NRDE2: variants seen among roughly 807,000 people sequenced by gnomAD.
NRDE2 encodes the protein nuclear exosome regulator NRDE2.
A neutral mutation model predicts 124.2 loss-of-function variants in NRDE2; 76 were observed. The ratio of observed to expected loss-of-function variants is 0.61; its 90% CI spans 0.51 to 0.74. NRDE2 has a LOEUF of 0.74. Ranked by LOEUF, NRDE2 falls within the 30% of genes least tolerant of loss-of-function variation. The pLI is 0.00. For synonymous variants in NRDE2, 489 were observed against 528.1 expected (o/e 0.93, Z 1.01); for missense variants, 1,314 against 1,417.3 (o/e 0.93, Z 1.17).
At position 90,279,123 on chromosome 14, in the gene NRDE2, C is replaced by T. The variant is rs1271576387; in HGVS notation, c.3308G>A (p.Gly1103Glu). Residue 1103 changes from glycine to glutamate, a missense_variant, in exon 13 of 14, where the codon GGA becomes GAA. Transcript: ENST00000354366. ...TACACCTTTGCTTCTTTCTTTATTTCCTAAGGAAACCTGAGGTGAGGGGGA... is the reference window on the plus strand; with the variant it reads ...TACACCTTTGCTTCTTTCTTTATTTTCTAAGGAAACCTGAGGTGAGGGGGA... ...RMYLNFLVSLGNKERSKGVFY... is the reference protein window; with the variant it reads ...RMYLNFLVSLENKERSKGVFY... The T allele has an allele frequency of 6.2e-7, 1 of 1,611,174 alleles. No individual in the cohort carries two copies.
At chr14:90,283,715 T>TG (rs1177008081) in intron 12 of NRDE2, among the ~76,000 whole-genome samples, 1 of 148,512 alleles carries the variant, frequency 6.7e-6, no homozygotes, top group East Asian at 1.9e-4. Context: ...GGTTTTTTGT[T>TG]TTTTTTTTTT....
Position 90,302,774 on chromosome 14 carries a change from C to T in NRDE2, c.1357G>A (p.Asp453Asn), listed in dbSNP as rs1165689418. Residue 453 changes from aspartate to asparagine, a missense_variant, in exon 6 of 14, where the codon GAC becomes AAC. Transcript: ENST00000354366. ...GCAGGGTGAGATAAGATGCTGCCGTCCTTAACAGCAGACAAAGTGCTCAAG... is the reference window on the plus strand; with the variant it reads ...GCAGGGTGAGATAAGATGCTGCCGTTCTTAACAGCAGACAAAGTGCTCAAG... Reference protein sequence around the residue: ...KCLSTLSAVKDGSILSHPALP... With the variant: ...KCLSTLSAVKNGSILSHPALP... The T allele has an allele frequency of 1.2e-6, 2 of 1,614,048 alleles. No homozygotes were observed. The highest frequency in any genetic ancestry group is 1.1e-5 in the South Asian group (1 of 91,080).
intron 12 of NRDE2, among the ~76,000 whole-genome samples, chr14:90,281,855 G>A (rs1255510257): frequency 6.6e-6 from 1 of 152,214 alleles, no homozygotes; most frequent in African/African-American, 2.4e-5. Context: ...CTGACACTCT[G>A]CTGAGAGGTT....
In NRDE2 at chr14:90,308,983, C is replaced by T. The variant is rs531313965; in HGVS notation, c.557+3411G>A. 3.3e-5 allele frequency among the ~76,000 whole-genome samples: 5 copies of T among 152,202 alleles called. No individual in the cohort carries two copies. In the East Asian group the frequency reaches 9.7e-4, roughly 29 times the overall value. On this transcript the variant is annotated intron_variant, in intron 4 of 13. Transcript: ENST00000354366. ...ACAGGCCGGGCGTGGTGGCTCATGC[C>T]TGTAATCCCAGCACTTTGGGAGGCT...
Position 90,288,523 on chromosome 14 carries a change from G to A in NRDE2, c.2852C>T (p.Ser951Phe), listed in dbSNP as rs776754050. The change falls in exon 11 of 14, where the codon TCC (serine) becomes TTC (phenylalanine). Residue 951 changes from serine (S) to phenylalanine (F), a missense_variant. Transcript: ENST00000354366. The part of the protein sequence containing the change: ...EGSGEGDSAS[S>F]QSWTSVLEAI... Reference sequence around the variant, plus strand: ...TTCGAGAACACTGGTCCAACTCTGGGAGCTGGCACTGTCCCCCTCGCCAGA... The same window carrying A: ...TTCGAGAACACTGGTCCAACTCTGGAAGCTGGCACTGTCCCCCTCGCCAGA... 14 of 1,614,050 alleles carry A rather than the reference G, an allele frequency of 8.7e-6. No individual in the cohort carries two copies. The South Asian group carries it at 1.2e-4, about 14-fold the overall frequency.
chr14:90,304,524 T>G (rs1456640503), intron 4 of NRDE2, 142 bp from the exon 5 acceptor site: 7 of 609,734 alleles, frequency 1.1e-5, no homozygotes, highest in Admixed American at 6.0e-5. Flanking sequence ...TTGTTTCTAT[T>G]TGGAGATACA....
intron 4 of NRDE2, 82 bp downstream of exon 4, chr14:90,312,312 C>G: frequency 7.6e-7 from 1 of 1,308,740 alleles, no homozygotes; most frequent in Non-Finnish European, 1.1e-6. Context: ...GAGAAACAGG[C>G]AGGCAGACAG....
chr14:90,331,882 G>A lies in NRDE2; in HGVS notation c.23C>T (p.Ala8Val). Residue 8 changes from alanine to valine, a missense_variant, in exon 1 of 14, where the codon GCG (alanine) becomes GTG (valine). Physicochemically the swap from Ala to Val is moderately conservative, Grantham distance 64. Coordinates refer to ENST00000354366, the MANE Select transcript of NRDE2 (RefSeq NM_017970.4). MALFPAF[A>V]GLSEAPDGGS... Reference sequence around the variant, plus strand: ...GCCATCGGGAGCCTCACTAAGCCCCGCAAAGGCTGGGAACAGCGCCATGAC... The same window carrying A: ...GCCATCGGGAGCCTCACTAAGCCCCACAAAGGCTGGGAACAGCGCCATGAC... 2 of 1,614,100 alleles carry A rather than the reference G, an allele frequency of 1.2e-6. No homozygotes were observed. Among genetic ancestry groups the A allele is most frequent in the African/African-American group, 1.3e-5 (1 of 75,066 alleles).
intron 4 of NRDE2, among the ~76,000 whole-genome samples, chr14:90,306,830 T>G (rs1884620433): frequency 6.6e-6 from 1 of 151,750 alleles, no homozygotes. Context: ...AAAATAGCAC[T>G]AATGTAGTTC....
chr14:90,301,190 C>T (rs1446533652), intron 7 of NRDE2, 49 bp downstream of exon 7: 1 of 1,597,434 alleles, frequency 6.3e-7, no homozygotes, highest in Non-Finnish European at 8.6e-7. Flanking sequence ...CCCTCTCCCT[C>T]CAGAGAAAGA....
chr14:90,317,142 T>C (rs1885075213), intron 2 of NRDE2, among the ~76,000 whole-genome samples: 1 of 152,166 alleles, frequency 6.6e-6, no homozygotes. Flanking sequence ...TGGGTGTGGT[T>C]ACTCATGCCT....
At chr14:90,298,798 G>C (rs902867435) in intron 7 of NRDE2, among the ~76,000 whole-genome samples, 2 of 152,222 alleles carry the variant, frequency 1.3e-5, no homozygotes, top group Non-Finnish European at 2.9e-5. Flanking sequence ...ACCAGGGACA[G>C]TGGCACTGCC....
chr14:90,285,396 C>G (rs10136274), intron 12 of NRDE2, among the ~76,000 whole-genome samples: 140,849 of 148,362 alleles, frequency 0.95, 67,258 homozygotes, highest in East Asian at 1. Flanking sequence ...CTGCCTCCCG[C>G]GTTCCAGCGA....
In NRDE2 at chr14:90,276,907, G is replaced by A. The variant is rs997311378; in HGVS notation, c.*1429C>T. On this transcript the variant is annotated 3_prime_UTR_variant, in exon 14 of 14. Coordinates refer to ENST00000354366, the MANE Select transcript of NRDE2 (RefSeq NM_017970.4). ...TCGGTGACATGTCTGGCTGATGTCTGCCCCACGCAGAGGACAAGGGTGGAG... is the reference window on the plus strand; with the variant it reads ...TCGGTGACATGTCTGGCTGATGTCTACCCCACGCAGAGGACAAGGGTGGAG... 4 of 152,284 alleles carry A rather than the reference G, an allele frequency of 2.6e-5. No individual in the cohort carries two copies. Among genetic ancestry groups the A allele is most frequent in the South Asian group, 2.1e-4 (1 of 4,824 alleles). 9.4% of individuals were successfully genotyped at this position (152,284 alleles called of 1,614,324 possible).
chr14:90,291,934 A>C (rs925702555), intron 9 of NRDE2, among the ~76,000 whole-genome samples: 1 of 152,188 alleles, frequency 6.6e-6, no homozygotes, highest in South Asian at 2.1e-4. Context: ...AAAGGGATAA[A>C]CTCCTTGCCT....
At position 90,277,215 on chromosome 14, in the gene NRDE2, GC is replaced by G. The variant is rs1221600386; in HGVS notation, c.*1120del. 1 of 152,318 alleles carries G rather than the reference GC, an allele frequency of 6.6e-6. No homozygotes were observed. Among genetic ancestry groups the G allele is most frequent in the Non-Finnish European group, 1.5e-5 (1 of 68,146 alleles). 9.4% of individuals were successfully genotyped at this position (152,318 alleles called of 1,614,324 possible). On this transcript the variant is annotated 3_prime_UTR_variant, in exon 14 of 14. Coordinates refer to ENST00000354366, the MANE Select transcript of NRDE2 (RefSeq NM_017970.4). ...AGTTTCCCACCGTGCCCTGGGAGGT[GC>G]TCTCGTGCGCTGCCCTGCCTGCTGC... is the stretch of plus-strand genomic sequence containing the variant.
rs768706611 is a variant in NRDE2, at chr14:90,331,913, G to C, written c.-9C>G. 1 of 1,613,960 alleles carries C rather than the reference G, an allele frequency of 6.2e-7. No homozygotes were observed. Among genetic ancestry groups the C allele is most frequent in the African/African-American group, 1.3e-5 (1 of 74,946 alleles). On this transcript the variant is annotated 5_prime_UTR_variant, in exon 1 of 14. Transcript: ENST00000354366. Reference sequence around the variant, plus strand: ...GCTGGGAACAGCGCCATGACCACAGGCCGTACCTCCGTTCTTCTCTATAGG... The same window carrying C: ...GCTGGGAACAGCGCCATGACCACAGCCCGTACCTCCGTTCTTCTCTATAGG...
At position 90,303,976 on chromosome 14, in the gene NRDE2, G is replaced by C; in HGVS notation, c.964C>G (p.Pro322Ala). ...GCCATCCACAGCTGCGTATCCCGAGGATTCTCCCGCACCCTCCTGTTAAAC... is the reference window on the plus strand; with the variant it reads ...GCCATCCACAGCTGCGTATCCCGAGCATTCTCCCGCACCCTCCTGTTAAAC... Reference protein sequence around the residue: ...EEFNRRVRENPRDTQLWMAFV... With the variant: ...EEFNRRVRENARDTQLWMAFV... Residue 322 changes from proline to alanine, a missense_variant, in exon 5 of 14, where the codon CCT (proline) becomes GCT (alanine). Pro to Ala is a conservative substitution (Grantham distance 27, BLOSUM62 -1). Transcript: ENST00000354366. 1 of 1,613,492 alleles carries C rather than the reference G, an allele frequency of 6.2e-7. No homozygotes were observed. The highest frequency in any genetic ancestry group is 1.1e-5 in the South Asian group (1 of 91,054).
chr14:90,287,032 T>TAA (rs1343012108), intron 11 of NRDE2, among the ~76,000 whole-genome samples: 1 of 9,394 alleles, frequency 1.1e-4, no homozygotes, highest in Non-Finnish European at 2.6e-4. Flanking sequence ...AGACTCCGTC[T>TAA]CAAAAAAAAA....
Sources: gnomAD v4.1 joint callset for allele counts (sites outside exome capture counted in the v4.1 genomes callset) on GRCh38, gnomAD v4.1.1 for gene constraint, MANE v1.5 for transcripts, NCBI Gene and HGNC (gene_info 2026-07-23, HGNC 2026-07-21) for gene names.